The following PRKN variants were observed in gnomAD, a reference collection of about 807,000 sequenced individuals.
PRKN encodes parkin RBR E3 ubiquitin protein ligase.
PRKN carries 56 observed loss-of-function variants against 59.5 expected under a neutral mutation model. The ratio of observed to expected loss-of-function variants is 0.94; its 90% CI spans 0.76 to 1.18. The LOEUF is 1.18. Ranked by LOEUF, PRKN falls within the 50% of genes most tolerant of loss-of-function variation. PRKN has a pLI of 0.00. For missense variants in PRKN, 657 were observed against 596.4 expected (o/e 1.10, Z -1.06); for synonymous variants, 250 against 222.1 (o/e 1.13, Z -1.12).
chr6:161,833,342 T>A (rs1792593211), intron 6 of PRKN, among the ~76,000 whole-genome samples: 2 of 152,210 alleles, frequency 1.3e-5, no homozygotes, highest in Non-Finnish European at 2.9e-5. Context: ...TCTTGCTTAA[T>A]GTCTTCTGAA....
intron 3 of PRKN, among the ~76,000 whole-genome samples, chr6:162,255,309 T>C (rs1432114444): frequency 6.6e-6 from 1 of 152,120 alleles, no homozygotes; most frequent in Non-Finnish European, 1.5e-5. Context: ...AAGGGATAAC[T>C]GAAATGGATA....
Position 162,609,929 on chromosome 6 carries a change from C to T in PRKN, c.7+117733G>A, listed in dbSNP as rs541589258. Among the ~76,000 whole-genome samples the T allele has an allele frequency of 5.3e-5, 8 of 152,030 alleles. No individual in the cohort carries two copies. In the South Asian group the frequency reaches 6.2e-4, roughly 12 times the overall value. On this transcript the variant is annotated intron_variant, in intron 1 of 11. Transcript: ENST00000366898. Reference sequence around the variant, plus strand: ...CATTAAGTAAAAAACAACATTAGGGCGATTATACATTAATTACATGGATAC... The same window carrying T: ...CATTAAGTAAAAAACAACATTAGGGTGATTATACATTAATTACATGGATAC...
intron 3 of PRKN, among the ~76,000 whole-genome samples, chr6:162,243,287 T>G (rs1428756367): frequency 2.6e-5 from 4 of 152,150 alleles, no homozygotes; most frequent in African/African-American, 9.7e-5. Flanking sequence ...ACTAAGAAGT[T>G]GTATAGCAGT....
intron 1 of PRKN, among the ~76,000 whole-genome samples, chr6:162,540,500 G>C (rs1034030968): frequency 1.3e-5 from 2 of 152,072 alleles, no homozygotes; most frequent in Non-Finnish European, 2.9e-5. Context: ...GTTTCCCCAA[G>C]TTAAAATTAT....
At chr6:162,648,007 GAAA>G (rs1293108926) in intron 1 of PRKN, among the ~76,000 whole-genome samples, 2 of 97,856 alleles carry the variant, frequency 2.0e-5, no homozygotes, top group African/African-American at 4.2e-5. Context: ...TTGAGTACTA[GAAA>G]AGTTCCTAAA....
intron 6 of PRKN, among the ~76,000 whole-genome samples, chr6:161,815,333 G>C (rs572251621): frequency 6.6e-6 from 1 of 152,176 alleles, no homozygotes; most frequent in South Asian, 2.1e-4. Context: ...AAAACATTCA[G>C]GTATACAAAG....
chr6:161,577,304 T>C (rs1781168805), intron 7 of PRKN, among the ~76,000 whole-genome samples: 1 of 152,206 alleles, frequency 6.6e-6, no homozygotes, highest in Non-Finnish European at 1.5e-5. Context: ...AGCCGGGTAG[T>C]GTGTACATGG....
At chr6:161,747,355 C>T (rs529435480) in intron 7 of PRKN, among the ~76,000 whole-genome samples, 1 of 151,572 alleles carries the variant, frequency 6.6e-6, no homozygotes, top group African/African-American at 2.4e-5. Context: ...AGAAATTGTC[C>T]TGAATTCACA....
At chr6:161,980,944 T>C (rs942170961) in intron 5 of PRKN, among the ~76,000 whole-genome samples, 1 of 152,218 alleles carries the variant, frequency 6.6e-6, no homozygotes, top group Non-Finnish European at 1.5e-5. Context: ...TTGTGAAATA[T>C]GTATTGAAGA....
intron 4 of PRKN, among the ~76,000 whole-genome samples, chr6:162,166,527 A>G (rs1782997103): frequency 6.6e-6 from 1 of 152,146 alleles, no homozygotes; most frequent in Non-Finnish European, 1.5e-5. Flanking sequence ...TCTATCTGAA[A>G]AACTGAACTA....
In PRKN at chr6:162,010,346, T is replaced by C. The variant is rs1345187055; in HGVS notation, c.619-36929A>G. Among the ~76,000 whole-genome samples the C allele has an allele frequency of 2.5e-5, 3 of 120,712 alleles. No individual in the cohort carries two copies. In the East Asian group the frequency reaches 7.2e-4, roughly 29 times the overall value. The allele number at this position is 120,712 out of a possible 152,430, so 79.2% of individuals were successfully genotyped here. A position where few individuals can be genotyped will look rare whatever the true frequency, so the allele number is the denominator to read the frequency against. ...TTTATAATATATAATATATAAATAA[T>C]ATACATTTATTATATGTAATATACA... is the stretch of plus-strand genomic sequence containing the variant. On this transcript the variant is annotated intron_variant, in intron 5 of 11. Transcript: ENST00000366898.
chr6:162,042,313 G>GAC (rs1404833052), intron 5 of PRKN, among the ~76,000 whole-genome samples: 1 of 151,910 alleles, frequency 6.6e-6, no homozygotes, highest in Non-Finnish European at 1.5e-5. Context: ...TTATTTATGA[G>GAC]ACACAGTCTT....
At chr6:161,672,605 G>A (rs570089625) in intron 7 of PRKN, among the ~76,000 whole-genome samples, 33 of 152,140 alleles carry the variant, frequency 2.2e-4, no homozygotes, top group Admixed American at 7.2e-4. Flanking sequence ...GTGAAAACCC[G>A]TCTCTATGAA....
rs181354534 is a variant in PRKN, at chr6:161,525,729, C to A, written c.1083+23125G>T. Among the ~76,000 whole-genome samples, 31 of 152,150 alleles carry A rather than the reference C, an allele frequency of 2.0e-4. No homozygotes were observed. In the South Asian group the frequency reaches 5.6e-3, roughly 27 times the overall value. ...TATTTTAAAAAATTATTCTATTCAG[C>A]GCATTGCATCAGAAATGCTTCTATG... On this transcript the variant is annotated intron_variant, in intron 9 of 11. Coordinates refer to ENST00000366898, the MANE Select transcript of PRKN (RefSeq NM_004562.3). The surrounding 1 kb of genome is among the most constrained non-coding windows in gnomAD (Gnocchi z 4.7).
chr6:161,849,324 G>T (rs1431624676), intron 6 of PRKN, among the ~76,000 whole-genome samples: 2 of 151,934 alleles, frequency 1.3e-5, no homozygotes, highest in Non-Finnish European at 2.9e-5. Context: ...ATTCTTTTTT[G>T]TCTTAATGGG....
chr6:161,382,731 C>A (rs1008317170), intron 10 of PRKN, among the ~76,000 whole-genome samples: 1 of 152,190 alleles, frequency 6.6e-6, no homozygotes, highest in African/African-American at 2.4e-5. Context: ...CAACGTAAAG[C>A]TTGTTCAATA....
intron 6 of PRKN, among the ~76,000 whole-genome samples, chr6:161,971,870 G>T (rs11964796): frequency 1.3e-5 from 2 of 152,186 alleles, no homozygotes; most frequent in African/African-American, 4.8e-5. Flanking sequence ...CCAAAAGCCA[G>T]AGAGAGACAA....
chr6:161,350,962 A>G (rs1784519799), intron 11 of PRKN, among the ~76,000 whole-genome samples: 1 of 59,210 alleles, frequency 1.7e-5, no homozygotes, highest in Non-Finnish European at 2.8e-5. Flanking sequence ...ATTTATATTT[A>G]AAATATATAT....
intron 6 of PRKN, among the ~76,000 whole-genome samples, chr6:161,808,230 T>C (rs1427428670): frequency 6.6e-6 from 1 of 152,160 alleles, no homozygotes; most frequent in East Asian, 1.9e-4. Context: ...AATCTTCTAA[T>C]AATATTTAAA....
Sources: gnomAD v4.1 joint callset for allele counts (sites outside exome capture counted in the v4.1 genomes callset) on GRCh38, gnomAD v4.1.1 for gene constraint, Gnocchi (gnomAD v3.1) non-coding constraint, MANE v1.5 for transcripts, NCBI Gene and HGNC (gene_info 2026-07-23, HGNC 2026-07-21) for gene names.